HEPHL1: variants seen among roughly 807,000 people sequenced by gnomAD.
HEPHL1 encodes the protein ferroxidase HEPHL1.
Under a neutral mutation model 122.0 loss-of-function variants are expected in HEPHL1, and 123 were observed. That is an observed-to-expected ratio of 1.01 (90% CI 0.87 to 1.17). HEPHL1 has a LOEUF of 1.17. Ranked by LOEUF, HEPHL1 falls within the 50% of genes most tolerant of loss-of-function variation. The pLI, the probability that HEPHL1 is intolerant of heterozygous loss-of-function variation, is 0.00. For missense variants in HEPHL1, 1,452 were observed against 1,430.5 expected (o/e 1.01, Z -0.24); for synonymous variants, 527 against 508.9 (o/e 1.04, Z -0.48).
chr11:94,055,302 G>A (rs746791971), intron 2 of HEPHL1: 2 of 285,990 alleles, frequency 7.0e-6, no homozygotes, highest in Non-Finnish European at 7.0e-6. Flanking sequence ...CACCACTTCT[G>A]TGAACTCCTT....
chr11:94,061,874 C>G (rs1018806688), intron 2 of HEPHL1, among the ~76,000 whole-genome samples: 1 of 151,988 alleles, frequency 6.6e-6, no homozygotes, highest in African/African-American at 2.4e-5. Context: ...GAATCTAGTA[C>G]TAGCAAAAAG....
chr11:94,051,141 G>A (rs1210748633), intron 2 of HEPHL1, among the ~76,000 whole-genome samples: 1 of 151,994 alleles, frequency 6.6e-6, no homozygotes, highest in Non-Finnish European at 1.5e-5. Flanking sequence ...TTTTTGGGGG[G>A]TACATTAAAA....
intron 2 of HEPHL1, among the ~76,000 whole-genome samples, chr11:94,050,842 A>G (rs1434800990): frequency 6.6e-6 from 1 of 152,024 alleles, no homozygotes; most frequent in African/African-American, 2.4e-5. Flanking sequence ...GGCTTCTGGT[A>G]TCCATCCTTC....
At position 94,111,527 on chromosome 11, in the gene HEPHL1, C is replaced by A. The variant is rs1236079891; in HGVS notation, c.3209-10C>A. 4 of 1,588,486 alleles carry A rather than the reference C, an allele frequency of 2.5e-6. No homozygotes were observed. The highest frequency in any genetic ancestry group is 3.4e-6 in the Non-Finnish European group (4 of 1,165,700). On this transcript the variant is annotated splice_polypyrimidine_tract_variant and intron_variant, in intron 18 of 19. Coordinates refer to ENST00000315765, the MANE Select transcript of HEPHL1 (RefSeq NM_001098672.2). ...GTTAATAAAACAATGAACTTGTTTTCTTTGTGCAGACAACAGGATTCCTTA... is the reference window on the plus strand; with the variant it reads ...GTTAATAAAACAATGAACTTGTTTTATTTGTGCAGACAACAGGATTCCTTA...
At chr11:94,029,015 T>C (rs989130165) in intron 1 of HEPHL1, among the ~76,000 whole-genome samples, 4 of 152,182 alleles carry the variant, frequency 2.6e-5, no homozygotes, top group Admixed American at 6.5e-5. Context: ...GTTAAAAAAG[T>C]ATAGGATCTC....
intron 1 of HEPHL1, among the ~76,000 whole-genome samples, chr11:94,045,257 A>G (rs1396076369): frequency 6.6e-6 from 1 of 152,236 alleles, no homozygotes; most frequent in Non-Finnish European, 1.5e-5. Context: ...TGTTGTATCA[A>G]TCATTCACTT....
intron 9 of HEPHL1, among the ~76,000 whole-genome samples, chr11:94,081,122 G>A (rs1039430831): frequency 2.0e-5 from 3 of 152,164 alleles, no homozygotes; most frequent in African/African-American, 4.8e-5. Flanking sequence ...CCATAAAAAC[G>A]AATGAGATCA....
At chr11:94,034,958 CCAAAATTG>C (rs1444123980) in intron 1 of HEPHL1, among the ~76,000 whole-genome samples, 5 of 152,176 alleles carry the variant, frequency 3.3e-5, no homozygotes, top group Admixed American at 3.3e-4. Flanking sequence ...TAGGATCCTT[CCAAAATTG>C]TCTTCCCTAG....
Position 94,067,496 on chromosome 11 carries a change from C to T in HEPHL1, c.809C>T (p.Ala270Val). ...AVFQRSNKMH[A>V]LNGYLFGNFP... ...TCCACTAGCGTGTTTCTGTTTCCAG[C>T]CCTCAATGGATACCTCTTCGGAAAC... Residue 270 changes from alanine to valine, a missense_variant and splice_region_variant, in exon 5 of 20, where the codon GCC becomes GTC. By Grantham distance (64) the Ala-to-Val change is moderately conservative (BLOSUM62 0). Transcript: ENST00000315765. 1 of 1,612,356 alleles carries T rather than the reference C, an allele frequency of 6.2e-7. No homozygotes were observed. The highest frequency in any genetic ancestry group is 1.1e-5 in the South Asian group (1 of 91,056).
intron 1 of HEPHL1, among the ~76,000 whole-genome samples, chr11:94,038,346 T>C (rs1465763416): frequency 1.5e-5 from 2 of 134,838 alleles, no homozygotes; most frequent in African/African-American, 5.7e-5. Context: ...CAGGCCAACG[T>C]TCAGATTCAG....
At position 94,097,691 on chromosome 11, in the gene HEPHL1, C is replaced by A. The variant is rs142782757; in HGVS notation, c.2435-3504C>A. Among the ~76,000 whole-genome samples the A allele has an allele frequency of 4.9e-3, 743 of 151,720 alleles. 2 individuals are homozygous for A. The highest frequency in any genetic ancestry group is 0.017 in the African/African-American group (708 of 41,006). On this transcript the variant is annotated intron_variant, in intron 13 of 19. Transcript: ENST00000315765. ...GTCTCTAAGGACTTGCTTTATGAATCTGGGTGCTCCTGTATTGGGTGTATA... is the reference window on the plus strand; with the variant it reads ...GTCTCTAAGGACTTGCTTTATGAATATGGGTGCTCCTGTATTGGGTGTATA...
At position 94,088,842 on chromosome 11, in the gene HEPHL1, A is replaced by T; in HGVS notation, c.2168A>T (p.Asp723Val). 1.2e-6 allele frequency: 2 copies of T among 1,613,986 alleles called. No individual in the cohort carries two copies. Among genetic ancestry groups the T allele is most frequent in the Non-Finnish European group, 1.7e-6 (2 of 1,179,894 alleles). ...GAGGTCAGCAGCTGTGACAACAGGG[A>T]CCCTTCTGAGCAGCGGTACGGGATG... ...IYEVSSCDNR[D>V]PSEQRYGMIR... is the part of the protein sequence containing the mutation. The change falls in exon 12 of 20, where the codon GAC becomes GTC. Residue 723 changes from aspartate to valine, a missense_variant. Physicochemically the swap from Asp to Val is radical, Grantham distance 152. Transcript: ENST00000315765.
intron 1 of HEPHL1, among the ~76,000 whole-genome samples, chr11:94,037,219 C>T (rs1352245883): frequency 1.5e-4 from 23 of 152,054 alleles, no homozygotes; most frequent in African/African-American, 2.4e-4. Context: ...GAGGGTCCTA[C>T]GCCCACGGAG....
intron 12 of HEPHL1, among the ~76,000 whole-genome samples, chr11:94,089,705 A>G (rs1369673891): frequency 1.3e-5 from 2 of 152,140 alleles, no homozygotes; most frequent in Non-Finnish European, 2.9e-5. Flanking sequence ...CTCCTCCCCC[A>G]GGGCTAATCC....
chr11:94,044,709 T>C (rs1216532538), intron 1 of HEPHL1, among the ~76,000 whole-genome samples: 1 of 152,114 alleles, frequency 6.6e-6, no homozygotes, highest in African/African-American at 2.4e-5. Flanking sequence ...TTCTCCTTAA[T>C]TCTTGCAATT....
chr11:94,078,829 T>C (rs767664703), intron 9 of HEPHL1, among the ~76,000 whole-genome samples: 4 of 152,152 alleles, frequency 2.6e-5, no homozygotes, highest in Non-Finnish European at 5.9e-5. Context: ...TTCAGTCTAC[T>C]GATTCAATTG....
chr11:94,053,313 C>T (rs899068290), intron 2 of HEPHL1, among the ~76,000 whole-genome samples: 2 of 152,052 alleles, frequency 1.3e-5, no homozygotes, highest in African/African-American at 4.8e-5. Context: ...GATGTTGCCT[C>T]TTTCATTCCT....
At chr11:94,094,465 G>A (rs947196204) in intron 13 of HEPHL1, among the ~76,000 whole-genome samples, 8 of 152,194 alleles carry the variant, frequency 5.3e-5, no homozygotes, top group African/African-American at 1.4e-4. Context: ...ACATACATGT[G>A]CATGTGTCTT....
At position 94,064,335 on chromosome 11, in the gene HEPHL1, C is replaced by T. The variant is rs1177821282; in HGVS notation, c.633C>T (p.Ile211=). The change falls in exon 4 of 20, where the codon ATC becomes ATT. Residue 211 remains isoleucine (I), a synonymous_variant. Coordinates refer to ENST00000315765, the MANE Select transcript of HEPHL1 (RefSeq NM_001098672.2). ...TCTTTTGAATGTGCCTGACAGGTAT[C>T]CTGAATAGATATTCAGGGACACGGA... ...IGPLLVCKEG[I]LNRYSGTRND... is the part of the protein sequence containing the mutation. The T allele has an allele frequency of 6.2e-7, 1 of 1,610,356 alleles. No homozygotes were observed. Among genetic ancestry groups the T allele is most frequent in the Non-Finnish European group, 8.5e-7 (1 of 1,177,412 alleles).
Sources: allele counts gnomAD v4.1 joint callset (sites outside exome capture counted in the v4.1 genomes callset), GRCh38; gene constraint gnomAD v4.1.1; transcripts MANE v1.5; gene names NCBI Gene and HGNC (gene_info 2026-07-23, HGNC 2026-07-21).